Variants in TAF4 observed in about 807,000 individuals in gnomAD.
The protein encoded by TAF4 is transcription initiation factor TFIID subunit 4.
A neutral mutation model predicts 90.3 loss-of-function variants in TAF4; 9 were observed. The ratio of observed to expected loss-of-function variants is 0.10; its 90% CI spans 0.06 to 0.17. The LOEUF (loss-of-function observed/expected upper bound fraction) is 0.17, where lower values mean the gene tolerates loss of function less well. TAF4 is among the 10% of genes least tolerant of loss of function. The pLI, the probability that TAF4 is intolerant of heterozygous loss-of-function variation, is 1.00. For synonymous variants in TAF4, 818 were observed against 638.9 expected, an observed-to-expected ratio of 1.28 and a Z score of -4.23; for missense variants, 1,351 against 1,370.7, an observed-to-expected ratio of 0.99 and a Z score of 0.23.
At chr20:62,029,663 T>C (rs2055893659) in intron 1 of TAF4, among the ~76,000 whole-genome samples, 1 of 152,068 alleles carries the variant, frequency 6.6e-6, no homozygotes, top group Non-Finnish European at 1.5e-5. Flanking sequence ...ATCCCAGCAC[T>C]CTGGGAGGCC....
Position 62,064,790 on chromosome 20 carries a change from C to T in TAF4, c.1021G>A (p.Gly341Arg). The part of the protein sequence containing the change: ...PGAAAAAPAP[G>R]VKAESPKRVV... ...CTCTTGGGCGACTCGGCCTTGACCC[C>T]CGGCGCCGGCGCCGCAGCCGCCGCG... Residue 341 changes from glycine (G) to arginine (R), a missense_variant, in exon 1 of 15, where the codon GGG becomes AGG. Gly to Arg is a moderately radical substitution (Grantham distance 125, BLOSUM62 -2). Coordinates refer to ENST00000252996, the MANE Select transcript of TAF4 (RefSeq NM_003185.4). The T allele has an allele frequency of 1.9e-6, 2 of 1,031,416 alleles. No individual in the cohort carries two copies. The highest frequency in any genetic ancestry group is 2.3e-6 in the Non-Finnish European group (2 of 861,530). 63.9% of individuals were successfully genotyped at this position (1,031,416 alleles called of 1,614,324 possible).
In TAF4 at chr20:61,975,942, C is replaced by G; in HGVS notation, c.*226G>C. On this transcript the variant is annotated 3_prime_UTR_variant, in exon 15 of 15. Transcript: ENST00000252996. ...TTGTTTGGCAGGAAGGCCACTCAAT[C>G]AAGATGAGTTAAGATTTAATTGTCC... The G allele has an allele frequency of 1.9e-6, 1 of 529,004 alleles. No homozygotes were observed. Among genetic ancestry groups the G allele is most frequent in the Non-Finnish European group, 3.3e-6 (1 of 300,260 alleles). The allele number at this position is 529,004 out of a possible 1,614,324, so 32.8% of individuals were successfully genotyped here.
At chr20:62,053,801 C>A (rs959453958) in intron 1 of TAF4, among the ~76,000 whole-genome samples, 1 of 152,242 alleles carries the variant, frequency 6.6e-6, no homozygotes, top group Non-Finnish European at 1.5e-5. Context: ...CAGACAGACA[C>A]AGACAATGAC....
intron 3 of TAF4, among the ~76,000 whole-genome samples, chr20:62,011,877 G>A (rs139763936): frequency 6.6e-6 from 1 of 152,180 alleles, no homozygotes; most frequent in Non-Finnish European, 1.5e-5. Context: ...GACACCAGGT[G>A]ACCAAGAAAA....
At chr20:61,980,790 G>C (rs1425550312) in intron 14 of TAF4, 1 of 152,254 alleles carries the variant, frequency 6.6e-6, no homozygotes. Flanking sequence ...ACTGCAAGTC[G>C]GCGCAGAGTC....
chr20:62,029,095 C>G (rs2055889297), intron 1 of TAF4, among the ~76,000 whole-genome samples: 1 of 151,512 alleles, frequency 6.6e-6, no homozygotes, highest in African/African-American at 2.4e-5. Flanking sequence ...ACTCAGGAGG[C>G]TGAGGCAGGA....
chr20:62,009,005 T>C (rs1381584619), intron 5 of TAF4, 47 bp downstream of exon 5: 3 of 1,596,506 alleles, frequency 1.9e-6, no homozygotes, highest in African/African-American at 2.7e-5. Flanking sequence ...GTCTGTCCTA[T>C]GCAACAGGCT....
chr20:62,004,240 C>G (rs188501049), intron 7 of TAF4, among the ~76,000 whole-genome samples: 1 of 152,134 alleles, frequency 6.6e-6, no homozygotes, highest in East Asian at 1.9e-4. Context: ...CCACTGCCCC[C>G]CAAATATTAG....
chr20:61,975,832 A>G lies in TAF4; in HGVS notation c.*336T>C. On this transcript the variant is annotated 3_prime_UTR_variant, in exon 15 of 15. Transcript: ENST00000252996. ...GTAAGTTAGGTAGAACTAAACCAAA[A>G]TGCACAAATAATGCAGAAACTGCTA... is the stretch of plus-strand genomic sequence containing the variant. The G allele has an allele frequency of 3.5e-6, 1 of 282,730 alleles. No individual in the cohort carries two copies. The highest frequency in any genetic ancestry group is 6.3e-5 in the South Asian group (1 of 15,888). The allele number at this position is 282,730 out of a possible 1,614,324, so 17.5% of individuals were successfully genotyped here. A position where few individuals can be genotyped will look rare whatever the true frequency, so the allele number is the denominator to read the frequency against.
At chr20:62,033,754 G>C (rs999548562) in intron 1 of TAF4, among the ~76,000 whole-genome samples, 13 of 132,226 alleles carry the variant, frequency 9.8e-5, no homozygotes, top group Non-Finnish European at 1.8e-4. Context: ...AAAAAAAAAA[G>C]AAAAAGGGCC....
intron 1 of TAF4, among the ~76,000 whole-genome samples, chr20:62,017,843 GA>G (rs933844238): frequency 1.4e-4 from 19 of 131,990 alleles, no homozygotes; most frequent in South Asian, 2.4e-4. Flanking sequence ...CAAAAAAAAA[GA>G]AAAAAAAAAG....
chr20:62,006,162 C>T lies in TAF4; in HGVS notation c.2223+348G>A, dbSNP rs1008233961. On this transcript the variant is annotated intron_variant, in intron 7 of 14. Transcript: ENST00000252996. This position sits in a 1 kb window ranked among gnomAD's most constrained non-coding sequence, Gnocchi z 7.0. ...GTCCCACGCAGGTGCCCGTGTCTTA[C>T]GCTTGGACCGCTGCTCCTAATCCAA... is the stretch of plus-strand genomic sequence containing the variant. 1.8e-4 allele frequency: 34 copies of T among 184,354 alleles called. No homozygotes were observed. The highest frequency in any genetic ancestry group is 5.1e-4 in the African/African-American group (22 of 42,768). The allele number at this position is 184,354 out of a possible 1,614,324, so 11.4% of individuals were successfully genotyped here.
At chr20:61,990,975 A>G (rs191733552) in intron 14 of TAF4, among the ~76,000 whole-genome samples, 3 of 152,342 alleles carry the variant, frequency 2.0e-5, no homozygotes, top group African/African-American at 4.8e-5. Flanking sequence ...ACAGGCTCCC[A>G]TGAGAGAAAA....
At chr20:61,981,907 CA>C (rs1248093329) in intron 14 of TAF4, among the ~76,000 whole-genome samples, 50 of 149,936 alleles carry the variant, frequency 3.3e-4, no homozygotes, top group Non-Finnish European at 6.1e-4. Context: ...ACATCAAACC[CA>C]CACCCCACCC....
At chr20:62,016,356 G>A (rs533045108) in intron 1 of TAF4, among the ~76,000 whole-genome samples, 1 of 152,370 alleles carries the variant, frequency 6.6e-6, no homozygotes, top group South Asian at 2.1e-4. Context: ...CGGACTGGAA[G>A]AGGCAGACCC....
chr20:62,029,455 A>ACCAGGGC (rs1568936629), intron 1 of TAF4, among the ~76,000 whole-genome samples: 1 of 150,916 alleles, frequency 6.6e-6, no homozygotes, highest in Non-Finnish European at 1.5e-5. Context: ...GCTCTGCAGC[A>ACCAGGGC]CCAGGGCCCA....
At chr20:62,013,986 A>T (rs2055796296) in intron 2 of TAF4, among the ~76,000 whole-genome samples, 1 of 137,662 alleles carries the variant, frequency 7.3e-6, no homozygotes, top group African/African-American at 2.9e-5. Flanking sequence ...AGGAGTCGGG[A>T]GCTTCGGCCC....
In TAF4 at chr20:62,065,851, A is replaced by G; in HGVS notation, c.-41T>C. The G allele has an allele frequency of 8.2e-7, 1 of 1,220,880 alleles. No individual in the cohort carries two copies. The highest frequency in any genetic ancestry group is 1.0e-6 in the Non-Finnish European group (1 of 958,040). The allele number at this position is 1,220,880 out of a possible 1,614,324, so 75.6% of individuals were successfully genotyped here. A position where few individuals can be genotyped will look rare whatever the true frequency, so the allele number is the denominator to read the frequency against. On this transcript the variant is annotated 5_prime_UTR_variant, in exon 1 of 15. Transcript: ENST00000252996. ...GCCGCCGCCGCCGCCGCTCGGGCCG[A>G]GCGCGCCTGGGCGAGGAGGAGGTTC... is the stretch of plus-strand genomic sequence containing the variant.
intron 1 of TAF4, among the ~76,000 whole-genome samples, chr20:62,052,227 C>A (rs2056032870): frequency 6.6e-6 from 1 of 152,012 alleles, no homozygotes; most frequent in Admixed American, 6.5e-5. Context: ...TCAACCTCCC[C>A]CTCCCGCCCC....
Sources: allele counts gnomAD v4.1 joint callset (sites outside exome capture counted in the v4.1 genomes callset), GRCh38; gene constraint gnomAD v4.1.1; non-coding constraint Gnocchi (gnomAD v3.1); transcripts MANE v1.5; gene names NCBI Gene and HGNC (gene_info 2026-07-23, HGNC 2026-07-21).